The following SLC38A9 variants were observed in gnomAD, a reference collection of about 807,000 sequenced individuals.
SLC38A9 encodes solute carrier family 38 member 9, also known as neutral amino acid transporter 9.
In SLC38A9, 48 loss-of-function variants were observed where a neutral mutation model predicts 62.3. The observed-to-expected ratio is 0.77, with a 90% CI of 0.61 to 0.98. The LOEUF is 0.98. Among genes scored for constraint, SLC38A9 ranks in the 50% least tolerant of loss-of-function variants. The pLI is 0.00. For synonymous variants in SLC38A9, 204 were observed against 227.7 expected, an observed-to-expected ratio of 0.90 and a Z score of 0.94; for missense variants, 541 against 679.8, an observed-to-expected ratio of 0.80 and a Z score of 2.27.
chr5:55,695,152 T>TTA (rs70995723), intron 3 of SLC38A9, among the ~76,000 whole-genome samples: 90,283 of 151,346 alleles, frequency 0.6, 27,509 homozygotes, highest in South Asian at 0.7. Flanking sequence ...TAAATTTTTT[T>TTA]AATATGCAAT....
At chr5:55,675,089 AG>A (rs1751893438) in intron 3 of SLC38A9, among the ~76,000 whole-genome samples, 1 of 152,266 alleles carries the variant, frequency 6.6e-6, no homozygotes, top group Non-Finnish European at 1.5e-5. Context: ...TCATACTGAT[AG>A]AAAGAGATGT....
chr5:55,674,216 T>A (rs1426721623), intron 3 of SLC38A9, among the ~76,000 whole-genome samples: 1 of 152,210 alleles, frequency 6.6e-6, no homozygotes, highest in African/African-American at 2.4e-5. Context: ...GGGTACTATA[T>A]AGGTCAACTC....
chr5:55,670,141 T>C (rs1411577510), intron 4 of SLC38A9, among the ~76,000 whole-genome samples: 1 of 151,972 alleles, frequency 6.6e-6, no homozygotes, highest in Non-Finnish European at 1.5e-5. Flanking sequence ...ATTTTTTGTA[T>C]TTTTTTGTAG....
At chr5:55,675,481 G>A (rs568541295) in intron 3 of SLC38A9, 21 of 152,206 alleles carry the variant, frequency 1.4e-4, no homozygotes, top group African/African-American at 5.1e-4. Context: ...TTGAACTTTA[G>A]TTGGATCTGA....
intron 2 of SLC38A9, chr5:55,703,955 G>A (rs1284455124): frequency 6.6e-6 from 1 of 152,086 alleles, no homozygotes; most frequent in Non-Finnish European, 1.5e-5. Context: ...ATTCAGAGTT[G>A]AGACCAACCC....
chr5:55,647,784 C>T (rs533459584), intron 11 of SLC38A9, among the ~76,000 whole-genome samples: 5 of 152,252 alleles, frequency 3.3e-5, no homozygotes, highest in African/African-American at 4.8e-5. Context: ...TCTTGAAAAC[C>T]TGAGATTCTT....
chr5:55,687,345 T>C (rs1473241787), intron 3 of SLC38A9, among the ~76,000 whole-genome samples: 1 of 136,144 alleles, frequency 7.3e-6, no homozygotes. Flanking sequence ...GAGAATGGCG[T>C]GAACCCGGAA....
intron 12 of SLC38A9, among the ~76,000 whole-genome samples, chr5:55,642,172 A>G (rs13177777): frequency 0.061 from 9,299 of 152,226 alleles, 621 homozygotes; most frequent in East Asian, 0.24. Flanking sequence ...CAGCCTCCTG[A>G]GTAGTGGGGA....
At chr5:55,688,380 C>CTTTTTTTTT (rs767493953) in intron 3 of SLC38A9, among the ~76,000 whole-genome samples, 1 of 123,294 alleles carries the variant, frequency 8.1e-6, no homozygotes, top group Non-Finnish European at 1.6e-5. Context: ...GGCATAATCT[C>CTTTTTTTTT]TTTTTTTTTT....
chr5:55,706,105 T>C (rs1210798032), intron 2 of SLC38A9, among the ~76,000 whole-genome samples: 1 of 152,218 alleles, frequency 6.6e-6, no homozygotes, highest in Non-Finnish European at 1.5e-5. Context: ...TCTGTTTTTC[T>C]TGAAGCAAGC....
chr5:55,710,073 A>G (rs1187864027), intron 2 of SLC38A9, among the ~76,000 whole-genome samples: 2 of 106,858 alleles, frequency 1.9e-5, no homozygotes, highest in Admixed American at 1.9e-4. Flanking sequence ...ATCTCAAAAA[A>G]AAAAAAAAAA....
At chr5:55,650,836 C>T (rs898321599) in intron 10 of SLC38A9, among the ~76,000 whole-genome samples, 5 of 152,134 alleles carry the variant, frequency 3.3e-5, no homozygotes, top group South Asian at 2.1e-4. Context: ...TTGTTGCCCA[C>T]GCTGGAGTGC....
chr5:55,693,150 T>TTA, intron 3 of SLC38A9: 3 of 252,540 alleles, frequency 1.2e-5, no homozygotes, highest in Non-Finnish European at 1.9e-5. Flanking sequence ...TACCTAACAG[T>TTA]ATCTGCCACA....
At chr5:55,656,203 T>C (rs1279674928) in intron 9 of SLC38A9, among the ~76,000 whole-genome samples, 2 of 151,234 alleles carry the variant, frequency 1.3e-5, no homozygotes, top group Non-Finnish European at 2.9e-5. Flanking sequence ...ACCTATTGCT[T>C]GGTTGTATTA....
chr5:55,665,546 C>CAA (rs112929342), intron 7 of SLC38A9, among the ~76,000 whole-genome samples: 2 of 91,524 alleles, frequency 2.2e-5, no homozygotes, highest in South Asian at 3.3e-4. Flanking sequence ...GACTCCATCT[C>CAA]AAAAAAAAAA....
At chr5:55,670,793 A>G (rs1751180918) in intron 4 of SLC38A9, among the ~76,000 whole-genome samples, 1 of 152,140 alleles carries the variant, frequency 6.6e-6, no homozygotes, top group African/African-American at 2.4e-5. Flanking sequence ...ATACAGGATT[A>G]TCTCTACTCC....
At chr5:55,664,393 T>C (rs1750113314) in intron 8 of SLC38A9, among the ~76,000 whole-genome samples, 1 of 152,150 alleles carries the variant, frequency 6.6e-6, no homozygotes. Context: ...AGAGTCTACA[T>C]ACCAAATTCT....
chr5:55,687,344 G>A (rs1222178866), intron 3 of SLC38A9, among the ~76,000 whole-genome samples: 15 of 147,648 alleles, frequency 1.0e-4, no homozygotes, highest in Non-Finnish European at 1.8e-4. Context: ...GGAGAATGGC[G>A]TGAACCCGGA....
intron 2 of SLC38A9, among the ~76,000 whole-genome samples, chr5:55,708,026 C>T (rs1474873687): frequency 6.6e-6 from 1 of 152,206 alleles, no homozygotes; most frequent in African/African-American, 2.4e-5. Context: ...CCAGCCTCCA[C>T]AACTGCTAGA....
Sources: gnomAD v4.1 joint callset for allele counts (sites outside exome capture counted in the v4.1 genomes callset) on GRCh38, gnomAD v4.1.1 for gene constraint, MANE v1.5 for transcripts, NCBI Gene and HGNC (gene_info 2026-07-23, HGNC 2026-07-21) for gene names.